SHC3: variants seen among roughly 807,000 people sequenced by gnomAD.
SHC3 encodes the protein SHC adaptor protein 3.
SHC3 carries 15 observed loss-of-function variants against 60.4 expected under a neutral mutation model. The observed-to-expected ratio is 0.25, with a 90% CI of 0.17 to 0.38. The LOEUF is 0.38. Among genes scored for constraint, SHC3 ranks in the 10% least tolerant of loss-of-function variants. SHC3 has a pLI of 1.00. For missense variants in SHC3, 677 were observed against 786.1 expected (o/e 0.86, Z 1.66); for synonymous variants, 294 against 325.9 (o/e 0.90, Z 1.05).
chr9:89,059,910 G>A (rs1825052843), intron 6 of SHC3, among the ~76,000 whole-genome samples: 1 of 150,736 alleles, frequency 6.6e-6, no homozygotes, highest in African/African-American at 2.4e-5. Context: ...GTAGGACAGT[G>A]GTGGAGGATG....
chr9:89,013,144 A>ATT lies in SHC3; in HGVS notation c.*301_*302dup, dbSNP rs71507784. Reference sequence around the variant, plus strand: ...TGCCTGGACAACTACAGTTAAACTTATTTTTTTTTTTCATTAAAAACATAC... The same window carrying ATT: ...TGCCTGGACAACTACAGTTAAACTTATTTTTTTTTTTTTCATTAAAAACATAC... On this transcript the variant is annotated 3_prime_UTR_variant, in exon 12 of 12. Coordinates refer to ENST00000375835, the MANE Select transcript of SHC3 (RefSeq NM_016848.6). 6 of 167,134 alleles carry ATT rather than the reference A, an allele frequency of 3.6e-5. No individual in the cohort carries two copies. The highest frequency in any genetic ancestry group is 2.1e-4 in the South Asian group (1 of 4,726). The allele number at this position is 167,134 out of a possible 1,614,324, so 10.4% of individuals were successfully genotyped here. A position where few individuals can be genotyped will look rare whatever the true frequency, so the allele number is the denominator to read the frequency against.
intron 11 of SHC3, among the ~76,000 whole-genome samples, chr9:89,028,467 AATAGATATAGATTATATCTAT>A (rs1462839557): frequency 6.7e-6 from 1 of 148,600 alleles, no homozygotes; most frequent in Non-Finnish European, 1.5e-5. Context: ...AATTTATATT[AATAGATATAGATTATATCTAT>A]ATAGATATAG....
At chr9:89,055,941 C>T (rs1339908578) in intron 6 of SHC3, among the ~76,000 whole-genome samples, 2 of 152,170 alleles carry the variant, frequency 1.3e-5, no homozygotes, top group African/African-American at 2.4e-5. Flanking sequence ...TAAAAGATAT[C>T]TTTTGTCTTC....
At chr9:89,087,059 G>A (rs754892655) in intron 2 of SHC3, among the ~76,000 whole-genome samples, 8 of 152,188 alleles carry the variant, frequency 5.3e-5, no homozygotes, top group South Asian at 2.1e-4. Context: ...ACACCCATCC[G>A]CCCACATGAC....
chr9:89,060,131 C>CGTG (rs1015269487), intron 6 of SHC3, among the ~76,000 whole-genome samples: 3 of 127,868 alleles, frequency 2.3e-5, no homozygotes, highest in African/African-American at 9.2e-5. Flanking sequence ...TGGTGTAGGA[C>CGTG]GTGGTGGAGG....
At chr9:89,055,823 T>G (rs950440135) in intron 6 of SHC3, among the ~76,000 whole-genome samples, 2 of 152,270 alleles carry the variant, frequency 1.3e-5, no homozygotes, top group African/African-American at 4.8e-5. Context: ...TTCTCACTCA[T>G]GCCTACCACA....
At chr9:89,161,513 G>T (rs558917972) in intron 1 of SHC3, among the ~76,000 whole-genome samples, 1 of 152,112 alleles carries the variant, frequency 6.6e-6, no homozygotes, top group Non-Finnish European at 1.5e-5. Context: ...CTAATACATC[G>T]GCTGAACACC....
At chr9:89,146,322 A>C (rs1234890674) in intron 1 of SHC3, among the ~76,000 whole-genome samples, 2 of 151,938 alleles carry the variant, frequency 1.3e-5, no homozygotes, top group Non-Finnish European at 2.9e-5. Flanking sequence ...GCGCCACTGC[A>C]CTCCAGCCTG....
At chr9:89,138,092 C>A (rs992008612) in intron 1 of SHC3, among the ~76,000 whole-genome samples, 1 of 152,134 alleles carries the variant, frequency 6.6e-6, no homozygotes, top group Non-Finnish European at 1.5e-5. Context: ...CCGTGAGCTG[C>A]CAGCTACAGA....
At position 89,178,055 on chromosome 9, in the gene SHC3, T is replaced by C; in HGVS notation, c.406A>G (p.Arg136Gly). The part of the protein sequence containing the change: ...KGRPGDEPLP[R>G]PPRGAPHASD... ...GCGTGCGGCGCCCCCCGAGGGGGCCTGGGCAGCGGCTCGTCGCCGGGCCGG... is the reference window on the plus strand; with the variant it reads ...GCGTGCGGCGCCCCCCGAGGGGGCCCGGGCAGCGGCTCGTCGCCGGGCCGG... The change falls in exon 1 of 12, where the codon AGG (arginine) becomes GGG (glycine). Residue 136 changes from arginine to glycine, a missense_variant. Transcript: ENST00000375835. The surrounding 1 kb of genome is among the most constrained non-coding windows in gnomAD (Gnocchi z 6.9). 1 of 1,216,444 alleles carries C rather than the reference T, an allele frequency of 8.2e-7. No individual in the cohort carries two copies. Among genetic ancestry groups the C allele is most frequent in the Non-Finnish European group, 1.0e-6 (1 of 978,546 alleles). 75.4% of individuals were successfully genotyped at this position (1,216,444 alleles called of 1,614,324 possible).
At chr9:89,103,647 A>G (rs746958921) in intron 2 of SHC3, among the ~76,000 whole-genome samples, 9 of 152,352 alleles carry the variant, frequency 5.9e-5, no homozygotes, top group Middle Eastern at 3.4e-3. Context: ...AAAAATGAGA[A>G]TATCAGTATT....
At chr9:89,097,802 A>G (rs1825727097) in intron 2 of SHC3, among the ~76,000 whole-genome samples, 1 of 152,196 alleles carries the variant, frequency 6.6e-6, no homozygotes. Context: ...ATGGGGTTCA[A>G]TCTCCATCGC....
intron 11 of SHC3, among the ~76,000 whole-genome samples, chr9:89,026,051 C>T (rs1360771302): frequency 1.3e-5 from 2 of 152,096 alleles, no homozygotes; most frequent in Non-Finnish European, 2.9e-5. Context: ...CGAGACCAGC[C>T]TGGCCAACAT....
chr9:89,109,153 T>A, intron 2 of SHC3: 1 of 983,252 alleles, frequency 1.0e-6, no homozygotes. Context: ...AATATCTTGT[T>A]AGTAAATGCA....
intron 4 of SHC3, among the ~76,000 whole-genome samples, chr9:89,071,986 C>T (rs997485554): frequency 6.6e-6 from 1 of 152,158 alleles, no homozygotes; most frequent in Non-Finnish European, 1.5e-5. Context: ...TTTATTAATC[C>T]CTACTCCTAT....
intron 2 of SHC3, among the ~76,000 whole-genome samples, chr9:89,079,585 A>G (rs1432158827): frequency 6.6e-6 from 1 of 152,266 alleles, no homozygotes; most frequent in Non-Finnish European, 1.5e-5. Flanking sequence ...AAAGACACAT[A>G]GTATCAAATG....
intron 6 of SHC3, among the ~76,000 whole-genome samples, chr9:89,054,653 A>G (rs527635486): frequency 1.3e-5 from 2 of 152,378 alleles, no homozygotes; most frequent in South Asian, 4.1e-4. Context: ...CAAAGATGTC[A>G]TTCACAAACA....
intron 9 of SHC3, among the ~76,000 whole-genome samples, chr9:89,042,903 G>A (rs1824710644): frequency 6.6e-6 from 1 of 152,194 alleles, no homozygotes; most frequent in East Asian, 1.9e-4. Flanking sequence ...GCCAGTGGGT[G>A]TGCTGAGGCT....
intron 2 of SHC3, among the ~76,000 whole-genome samples, chr9:89,102,481 A>G (rs900811594): frequency 6.6e-6 from 1 of 152,182 alleles, no homozygotes; most frequent in East Asian, 1.9e-4. Flanking sequence ...CTTTTAAGAG[A>G]TATGCAAGTG....
Sources: gnomAD v4.1 joint callset for allele counts (sites outside exome capture counted in the v4.1 genomes callset) on GRCh38, gnomAD v4.1.1 for gene constraint, Gnocchi (gnomAD v3.1) non-coding constraint, MANE v1.5 for transcripts, NCBI Gene and HGNC (gene_info 2026-07-23, HGNC 2026-07-21) for gene names.